The following F10 variants were observed in gnomAD, a reference collection of about 807,000 sequenced individuals.
F10 encodes Stuart-Prower factor.
F10 carries 29 observed loss-of-function variants against 37.1 expected under a neutral mutation model. The observed-to-expected ratio is 0.78, with a 90% CI of 0.58 to 1.07. The LOEUF (loss-of-function observed/expected upper bound fraction) is 1.07, where lower values mean the gene tolerates loss of function less well. F10 is among the 50% of genes least tolerant of loss of function. The pLI, the probability that F10 is intolerant of heterozygous loss-of-function variation, is 0.00. For missense variants in F10, 539 were observed against 667.9 expected, an observed-to-expected ratio of 0.81 and a Z score of 2.13; for synonymous variants, 262 against 268.6, an observed-to-expected ratio of 0.98 and a Z score of 0.24.
intron 2 of F10, among the ~76,000 whole-genome samples, 190 bp downstream of exon 2, chr13:113,129,802 C>G (rs1372936847): frequency 2.6e-5 from 4 of 152,238 alleles, no homozygotes; most frequent in Admixed American, 6.5e-5. Flanking sequence ...AGTGCCGCCC[C>G]CGCGCTGACT....
In F10 at chr13:113,144,993, T is replaced by C. The variant is rs372003783; in HGVS notation, c.747+898T>C. On this transcript the variant is annotated intron_variant, in intron 6 of 7. Coordinates refer to ENST00000375559, the MANE Select transcript of F10 (RefSeq NM_000504.4). The surrounding 1 kb of genome is among the most constrained non-coding windows in gnomAD (Gnocchi z 6.4). Reference sequence around the variant, plus strand: ...TCCCAGGTTCATGTCATTCTCCTGCTTCAGCCTCCCGAGTAGCTGGGACTA... The same window carrying C: ...TCCCAGGTTCATGTCATTCTCCTGCCTCAGCCTCCCGAGTAGCTGGGACTA... Among the ~76,000 whole-genome samples the C allele has an allele frequency of 6.2e-4, 95 of 152,176 alleles. No homozygotes were observed. The highest frequency in any genetic ancestry group is 8.3e-4 in the South Asian group (4 of 4,820).
chr13:113,142,823 T>C (rs2036545068), intron 5 of F10, among the ~76,000 whole-genome samples: 2 of 151,338 alleles, frequency 1.3e-5, no homozygotes, highest in African/African-American at 4.9e-5. Flanking sequence ...TCCCAGCTAC[T>C]CGGGAGGCTG....
Position 113,138,892 on chromosome 13 carries a change from A to G in F10, c.256+411A>G, listed in dbSNP as rs1019392319. On this transcript the variant is annotated intron_variant, in intron 3 of 7. Transcript: ENST00000375559. The stretch of plus-strand genomic sequence containing the variant: ...CTGGTAACAGTATTCACATTTCTCA[A>G]AATGACAACTGGGCCTATCTCTAAA... 5.9e-5 allele frequency among the ~76,000 whole-genome samples: 9 copies of G among 152,386 alleles called. No individual in the cohort carries two copies. In the South Asian group the frequency reaches 1.2e-3, roughly 21 times the overall value.
At position 113,129,489 on chromosome 13, in the gene F10, G is replaced by A; in HGVS notation, c.108G>A (p.Ala36=). The change falls in exon 2 of 8, where the codon GCG becomes GCA. Residue 36 remains alanine (A), a synonymous_variant. Coordinates refer to ENST00000375559, the MANE Select transcript of F10 (RefSeq NM_000504.4). ...GGGAGCAGGCCAACAACATCCTGGCGAGGGTCACGAGGGCCAATTCCTTTC... is the reference window on the plus strand; with the variant it reads ...GGGAGCAGGCCAACAACATCCTGGCAAGGGTCACGAGGGCCAATTCCTTTC... ...IRREQANNIL[A]RVTRANSFLE... 3 of 1,614,096 alleles carry A rather than the reference G, an allele frequency of 1.9e-6. No individual in the cohort carries two copies. The highest frequency in any genetic ancestry group is 2.2e-5 in the South Asian group (2 of 91,070).
Position 113,122,809 on chromosome 13 carries a change from C to T in F10, c.-47C>T, listed in dbSNP as rs1354761187. ...CCCAGCTGGGGCGTGGACTTTGCTCCAGCAGCCTGTCCCAGTGAGGACAGG... is the reference window on the plus strand; with the variant it reads ...CCCAGCTGGGGCGTGGACTTTGCTCTAGCAGCCTGTCCCAGTGAGGACAGG... On this transcript the variant is annotated 5_prime_UTR_variant, in exon 1 of 8. Coordinates refer to ENST00000375559, the MANE Select transcript of F10 (RefSeq NM_000504.4). 6.2e-7 allele frequency: 1 copy of T among 1,601,354 alleles called. No individual in the cohort carries two copies. Among genetic ancestry groups the T allele is most frequent in the East Asian group, 2.2e-5 (1 of 44,844 alleles).
chr13:113,145,543 T>G (rs986994394), intron 6 of F10, among the ~76,000 whole-genome samples: 1 of 152,250 alleles, frequency 6.6e-6, no homozygotes, highest in African/African-American at 2.4e-5. Flanking sequence ...AATTATTTGC[T>G]GTTTATCTGA....
intron 7 of F10, 71 bp from the exon 8 acceptor site, chr13:113,148,845 C>T: frequency 6.4e-7 from 1 of 1,563,134 alleles, no homozygotes. Flanking sequence ...ATATAACTTC[C>T]TTAAAAAGCA....
At chr13:113,129,300 G>A in intron 1 of F10, 152 bp from the exon 2 acceptor site, 3 of 957,138 alleles carry the variant, frequency 3.1e-6, no homozygotes, top group Non-Finnish European at 3.2e-6. Flanking sequence ...CAGTGAGTTG[G>A]GGGCTTAGAA....
intron 6 of F10, among the ~76,000 whole-genome samples, chr13:113,145,198 T>C (rs1452113202): frequency 1.3e-5 from 2 of 152,146 alleles, no homozygotes; most frequent in Non-Finnish European, 2.9e-5. Flanking sequence ...CTAATTTTTT[T>C]ATTTTTAATA....
At chr13:113,123,939 C>G (rs2036345815) in intron 1 of F10, among the ~76,000 whole-genome samples, 1 of 152,208 alleles carries the variant, frequency 6.6e-6, no homozygotes, top group African/African-American at 2.4e-5. Context: ...TCTTCCTCCC[C>G]CTCAGGCCAC....
rs528688585 is a variant in F10, at chr13:113,149,316, G to T, written c.1266G>T (p.Pro422=). 6.2e-7 allele frequency: 1 copy of T among 1,613,208 alleles called. No individual in the cohort carries two copies. ...EDACQGDSGG[P]HVTRFKDTYF... ...CCTGCCAGGGGGACAGCGGGGGCCC[G>T]CACGTCACCCGCTTCAAGGACACCT... Residue 422 remains proline (P), a synonymous_variant, in exon 8 of 8, where the codon CCG becomes CCT. Coordinates refer to ENST00000375559, the MANE Select transcript of F10 (RefSeq NM_000504.4). The surrounding 1 kb of genome is among the most constrained non-coding windows in gnomAD (Gnocchi z 7.5).
In F10 at chr13:113,143,705, GGCCTC is replaced by G; in HGVS notation, c.503-142_503-138del. On this transcript the variant is annotated intron_variant, in intron 5 of 7. Transcript: ENST00000375559. This position sits in a 1 kb window ranked among gnomAD's most constrained non-coding sequence, Gnocchi z 6.8. ...GATCCGACCCCTGCCGACGACGTGG[GGCCTC>G]GCCCTGCAAGCCCGCTGCCCCTCCG... 8.4e-7 allele frequency: 1 copy of G among 1,193,610 alleles called. No individual in the cohort carries two copies. The highest frequency in any genetic ancestry group is 2.6e-5 in the East Asian group (1 of 38,572). The allele number at this position is 1,193,610 out of a possible 1,614,324, so 73.9% of individuals were successfully genotyped here.
At position 113,146,565 on chromosome 13, in the gene F10, G is replaced by A. The variant is rs1014996927; in HGVS notation, c.748-814G>A. On this transcript the variant is annotated intron_variant, in intron 6 of 7. Coordinates refer to ENST00000375559, the MANE Select transcript of F10 (RefSeq NM_000504.4). This position sits in a 1 kb window ranked among gnomAD's most constrained non-coding sequence, Gnocchi z 4.5. Reference sequence around the variant, plus strand: ...TCTTTAGGAAGAATGGTTGGTGTTCGTGTCTTAGAAAGCCTGACTTTCCCT... The same window carrying A: ...TCTTTAGGAAGAATGGTTGGTGTTCATGTCTTAGAAAGCCTGACTTTCCCT... 9.3e-4 allele frequency among the ~76,000 whole-genome samples: 141 copies of A among 152,194 alleles called. No individual in the cohort carries two copies. Among genetic ancestry groups the A allele is most frequent in the African/African-American group, 2.6e-3 (107 of 41,430 alleles).
At chr13:113,148,012 A>T (rs1367651011) in intron 7 of F10, among the ~76,000 whole-genome samples, 1 of 152,202 alleles carries the variant, frequency 6.6e-6, no homozygotes, top group African/African-American at 2.4e-5. Flanking sequence ...TCTAACATTA[A>T]ATGTTCTATT....
intron 6 of F10, among the ~76,000 whole-genome samples, chr13:113,145,180 A>G (rs1002446428): frequency 1.3e-5 from 2 of 152,014 alleles, no homozygotes; most frequent in Non-Finnish European, 2.9e-5. Context: ...GTGCCCGGCC[A>G]TGCCTGGCTA....
In F10 at chr13:113,146,081, T is replaced by C. The variant is rs933349373; in HGVS notation, c.748-1298T>C. Among the ~76,000 whole-genome samples, 6 of 152,186 alleles carry C rather than the reference T, an allele frequency of 3.9e-5. No homozygotes were observed. Among genetic ancestry groups the C allele is most frequent in the African/African-American group, 1.2e-4 (5 of 41,448 alleles). ...AGGTCTTCCCCCACCCCAGACCGTG[T>C]GGCGGGTGAGCCTCTGTCTAACTAT... On this transcript the variant is annotated intron_variant, in intron 6 of 7. Coordinates refer to ENST00000375559, the MANE Select transcript of F10 (RefSeq NM_000504.4). This position sits in a 1 kb window ranked among gnomAD's most constrained non-coding sequence, Gnocchi z 4.5.
At chr13:113,126,737 A>C (rs138095322) in intron 1 of F10, among the ~76,000 whole-genome samples, 1 of 152,238 alleles carries the variant, frequency 6.6e-6, no homozygotes, top group South Asian at 2.1e-4. Flanking sequence ...TCAGACCCCA[A>C]CTGGAGCCCA....
intron 1 of F10, among the ~76,000 whole-genome samples, chr13:113,124,181 G>T (rs959763428): frequency 1.3e-5 from 2 of 152,242 alleles, no homozygotes; most frequent in African/African-American, 4.8e-5. Flanking sequence ...CGGGACTCTG[G>T]AAGCTGCTCT....
chr13:113,139,263 T>C lies in F10; in HGVS notation c.257-94T>C, dbSNP rs942389668. The C allele has an allele frequency of 7.3e-6, 7 of 956,496 alleles. No individual in the cohort carries two copies. Among genetic ancestry groups the C allele is most frequent in the Non-Finnish European group, 1.0e-5 (6 of 602,538 alleles). 59.3% of individuals were successfully genotyped at this position (956,496 alleles called of 1,614,324 possible). On this transcript the variant is annotated intron_variant, in intron 3 of 7. Coordinates refer to ENST00000375559, the MANE Select transcript of F10 (RefSeq NM_000504.4). The surrounding 1 kb of genome is among the most constrained non-coding windows in gnomAD (Gnocchi z 5.2). ...AGAAACCGGAAGACTCTTCCAGTTA[T>C]CTGAACGGCAGGGCCAAGGTTAGCA...
Sources: gnomAD v4.1 joint callset for allele counts (sites outside exome capture counted in the v4.1 genomes callset) on GRCh38, gnomAD v4.1.1 for gene constraint, Gnocchi (gnomAD v3.1) non-coding constraint, MANE v1.5 for transcripts, NCBI Gene and HGNC (gene_info 2026-07-23, HGNC 2026-07-21) for gene names.